SCG5: variants seen among roughly 807,000 people sequenced by gnomAD.
SCG5 encodes the protein neuroendocrine protein 7B2.
Under a neutral mutation model 25.7 loss-of-function variants are expected in SCG5, and 18 were observed. That is an observed-to-expected ratio of 0.70 (90% confidence interval 0.48 to 1.04). The LOEUF is 1.04. SCG5 is among the 50% of genes least tolerant of loss of function. The pLI is 0.00. For synonymous variants in SCG5, 101 were observed against 91.7 expected (o/e 1.10, Z -0.58); for missense variants, 206 against 259.8 (o/e 0.79, Z 1.42).
Position 32,691,753 on chromosome 15 carries a change from G to A in SCG5, c.533G>A (p.Arg178Gln), listed in dbSNP as rs370848173. Residue 178 changes from arginine to glutamine, a missense_variant, in exon 5 of 6, where the codon CGA (arginine) becomes CAA (glutamine). Coordinates refer to ENST00000300175, the MANE Select transcript of SCG5 (RefSeq NM_001144757.3). ...GAGAAGATGAAGGGAGGAGAGAGAC[G>A]AAAGCGGAGGGTAACACGTGCCTGG... ...LYEKMKGGER[R>Q]KRRSVNPYLQ... The A allele has an allele frequency of 8.7e-6, 14 of 1,612,364 alleles. No individual in the cohort carries two copies. Among genetic ancestry groups the A allele is most frequent in the Admixed American group, 1.7e-5 (1 of 59,734 alleles).
chr15:32,651,129 G>C (rs1056470806), intron 2 of SCG5, among the ~76,000 whole-genome samples: 2 of 152,180 alleles, frequency 1.3e-5, no homozygotes, highest in African/African-American at 4.8e-5. Context: ...AACCCTAAAG[G>C]CAGAGATTGC....
chr15:32,648,961 C>T lies in SCG5; in HGVS notation c.226+5143C>T, dbSNP rs184148062. 9.1e-4 allele frequency among the ~76,000 whole-genome samples: 139 copies of T among 152,192 alleles called. 2 individuals are homozygous for T. In the East Asian group the frequency reaches 0.021, roughly 23 times the overall value. On this transcript the variant is annotated intron_variant, in intron 2 of 5. Transcript: ENST00000300175. ...TAATTTTTTGTGTTTTTAGTAGAGACGGGGTTTCACCGTGTTAGCCTCCTG... is the reference window on the plus strand; with the variant it reads ...TAATTTTTTGTGTTTTTAGTAGAGATGGGGTTTCACCGTGTTAGCCTCCTG...
intron 2 of SCG5, among the ~76,000 whole-genome samples, chr15:32,669,275 C>G (rs1028138023): frequency 3.9e-5 from 6 of 152,116 alleles, no homozygotes; most frequent in Non-Finnish European, 8.8e-5. Flanking sequence ...AGTGTAGTTT[C>G]AGAAAGGAAG....
intron 4 of SCG5, among the ~76,000 whole-genome samples, chr15:32,688,962 A>AAAAAAAAAG (rs1555437384): frequency 5.5e-5 from 6 of 109,356 alleles, no homozygotes; most frequent in Admixed American, 2.2e-4. Flanking sequence ...CCGTCTCAAA[A>AAAAAAAAAG]AAAAAAAAAA....
At chr15:32,685,356 G>C (rs2054690587) in intron 4 of SCG5, among the ~76,000 whole-genome samples, 1 of 152,182 alleles carries the variant, frequency 6.6e-6, no homozygotes, top group African/African-American at 2.4e-5. Context: ...AAATGCAGTG[G>C]GCATGGTGCA....
intron 2 of SCG5, among the ~76,000 whole-genome samples, chr15:32,648,613 T>G (rs746666938): frequency 2.0e-4 from 30 of 151,960 alleles, no homozygotes; most frequent in Non-Finnish European, 3.2e-4. Flanking sequence ...ACCGGCCTCT[T>G]CCCACCTCAA....
At chr15:32,655,027 T>G (rs1330486192) in intron 2 of SCG5, among the ~76,000 whole-genome samples, 8 of 152,138 alleles carry the variant, frequency 5.3e-5, no homozygotes, top group Non-Finnish European at 2.9e-5. Flanking sequence ...TTCTGGAGAT[T>G]GCCGGGCATG....
At chr15:32,647,792 CAAAT>C (rs2053967490) in intron 2 of SCG5, among the ~76,000 whole-genome samples, 1 of 152,184 alleles carries the variant, frequency 6.6e-6, no homozygotes, top group Non-Finnish European at 1.5e-5. Context: ...CTTAAATAAA[CAAAT>C]AAGTATTGGG....
At position 32,648,122 on chromosome 15, in the gene SCG5, C is replaced by T. The variant is rs555046338; in HGVS notation, c.226+4304C>T. Among the ~76,000 whole-genome samples the T allele has an allele frequency of 1.2e-3, 181 of 152,318 alleles. 2 individuals carry two copies. Among genetic ancestry groups the T allele is most frequent in the Non-Finnish European group, 1.8e-3 (125 of 68,032 alleles). On this transcript the variant is annotated intron_variant, in intron 2 of 5. Transcript: ENST00000300175. ...CCCAGCCTGTTTATATCAGTCTTTTCTGTCTAAATGAGTAGTGCCCCTGCT... is the reference window on the plus strand; with the variant it reads ...CCCAGCCTGTTTATATCAGTCTTTTTTGTCTAAATGAGTAGTGCCCCTGCT...
intron 5 of SCG5, 25 bp downstream of exon 5, chr15:32,691,788 T>C: frequency 2.5e-6 from 4 of 1,610,454 alleles, no homozygotes; most frequent in Non-Finnish European, 3.4e-6. Flanking sequence ...GCTGGATTGT[T>C]GCGGGGATGC....
chr15:32,686,345 C>A (rs1298265187), intron 4 of SCG5, among the ~76,000 whole-genome samples: 2 of 152,038 alleles, frequency 1.3e-5, no homozygotes, highest in Non-Finnish European at 2.9e-5. Context: ...AAGAGACTAA[C>A]CCTAGACAGG....
chr15:32,665,716 G>T (rs1193031032), intron 2 of SCG5: 2 of 152,274 alleles, frequency 1.3e-5, no homozygotes, highest in East Asian at 3.9e-4. Context: ...GTTAAAGCAC[G>T]AGAAGCATGA....
chr15:32,680,098 G>A (rs2054591193), intron 3 of SCG5, among the ~76,000 whole-genome samples, 183 bp downstream of exon 3: 1 of 151,974 alleles, frequency 6.6e-6, no homozygotes. Flanking sequence ...TCTGTGTTCA[G>A]ACACACCCAC....
At chr15:32,672,045 C>G (rs2054435191) in intron 2 of SCG5, among the ~76,000 whole-genome samples, 1 of 152,242 alleles carries the variant, frequency 6.6e-6, no homozygotes. Flanking sequence ...TTCAGGCTCC[C>G]AGACCGCTGA....
intron 2 of SCG5, among the ~76,000 whole-genome samples, chr15:32,646,378 A>G (rs1362755668): frequency 6.6e-6 from 1 of 152,176 alleles, no homozygotes; most frequent in African/African-American, 2.4e-5. Flanking sequence ...TTTGAATTAT[A>G]TTGTAGGACT....
intron 2 of SCG5, chr15:32,666,049 A>T (rs1285929809): frequency 6.6e-6 from 1 of 152,256 alleles, no homozygotes; most frequent in Non-Finnish European, 1.5e-5. Flanking sequence ...ACTTCTGAGT[A>T]GGAAAGAAAT....
At position 32,650,380 on chromosome 15, in the gene SCG5, C is replaced by A. The variant is rs578177491; in HGVS notation, c.226+6562C>A. Among the ~76,000 whole-genome samples the A allele has an allele frequency of 8.5e-5, 13 of 152,296 alleles. No homozygotes were observed. The South Asian group carries it at 2.7e-3, about 32-fold the overall frequency. Reference sequence around the variant, plus strand: ...CCTCCCAAAGTGCTGGGATTACAGGCGTGAGCCACCACGCCCGGCGCCCCA... The same window carrying A: ...CCTCCCAAAGTGCTGGGATTACAGGAGTGAGCCACCACGCCCGGCGCCCCA... On this transcript the variant is annotated intron_variant, in intron 2 of 5. Transcript: ENST00000300175.
chr15:32,654,634 C>T (rs2140511769), intron 2 of SCG5, among the ~76,000 whole-genome samples: 1 of 152,274 alleles, frequency 6.6e-6, no homozygotes, highest in East Asian at 1.9e-4. Flanking sequence ...ATTGTTGATA[C>T]TTCTTTGTAT....
chr15:32,643,308 A>G (rs1429371183), intron 1 of SCG5, among the ~76,000 whole-genome samples: 2 of 152,212 alleles, frequency 1.3e-5, no homozygotes, highest in Non-Finnish European at 2.9e-5. Context: ...CAAGGAGGAT[A>G]AAAATTATGA....
Sources: gnomAD v4.1 joint callset for allele counts (sites outside exome capture counted in the v4.1 genomes callset) on GRCh38, gnomAD v4.1.1 for gene constraint, MANE v1.5 for transcripts, NCBI Gene and HGNC (gene_info 2026-07-23, HGNC 2026-07-21) for gene names.